Variants in PKD1 observed in about 807,000 individuals in gnomAD.
PKD1 encodes polycystin-1.
PKD1 carries 81 observed loss-of-function variants against 361.7 expected under a neutral mutation model. The observed-to-expected ratio is 0.22, with a 90% confidence interval of 0.19 to 0.27. The LOEUF (loss-of-function observed/expected upper bound fraction) is 0.27, where lower values mean the gene tolerates loss of function less well. Ranked by LOEUF, PKD1 falls within the 10% of genes least tolerant of loss-of-function variation. The pLI, the probability that PKD1 is intolerant of heterozygous loss-of-function variation, is 1.00. For missense variants in PKD1, 6,399 were observed against 6,118.3 expected (o/e 1.05, Z -1.53); for synonymous variants, 3,615 against 2,818.3 (o/e 1.28, Z -8.95).
chr16:2,129,692 G>T (rs2092845085), intron 1 of PKD1, among the ~76,000 whole-genome samples: 1 of 151,724 alleles, frequency 6.6e-6, no homozygotes, highest in African/African-American at 2.4e-5. Flanking sequence ...TGGGACCACA[G>T]ATGCATACCA....
At chr16:2,105,668 T>C (rs1385129587) in intron 20 of PKD1, 194 bp from the exon 21 acceptor site, 11 of 1,421,420 alleles carry the variant, frequency 7.7e-6, no homozygotes, top group African/African-American at 1.4e-5. Flanking sequence ...GGGGGCTGCA[T>C]TGTGGAAAGC....
In PKD1 at chr16:2,113,179, C is replaced by G. The variant is rs1324429294; in HGVS notation, c.2967G>C (p.Ala989=). Residue 989 remains alanine, a synonymous_variant, in exon 12 of 46, where the codon GCG becomes GCC. Transcript: ENST00000262304. ...NVVFNVIYQS[A]AVFKLSLTAS... ...CACCTACTGAGAGCTTGAAGACCGC[C>G]GCGCTCTGATAAATGACATTGAAGA... 3.7e-6 allele frequency: 4 copies of G among 1,089,668 alleles called. No individual in the cohort carries two copies. The highest frequency in any genetic ancestry group is 5.6e-6 in the Non-Finnish European group (4 of 719,582). The allele number at this position is 1,089,668 out of a possible 1,614,324, so 67.5% of individuals were successfully genotyped here. A position where few individuals can be genotyped will look rare whatever the true frequency, so the allele number is the denominator to read the frequency against.
rs376130795 is a variant in PKD1 at position 2,100,370 on chromosome 16, C to T, written c.9568+26G>A. On this transcript the variant is annotated intron_variant, in intron 27 of 45. Coordinates refer to ENST00000262304, the MANE Select transcript of PKD1 (RefSeq NM_001009944.3). The surrounding 1 kb of genome is among the most constrained non-coding windows in gnomAD (Gnocchi z 4.4). ...GCGCCCCAATGCGGGGGCAGAGGGG[C>T]AGAGCTTGGCAGGGTCCGCACAAAC... 16 of 1,611,104 alleles carry T rather than the reference C, an allele frequency of 9.9e-6. No homozygotes were observed. The African/African-American group carries it at 1.7e-4, about 17-fold the overall frequency.
chr16:2,098,741 A>T (rs1361882485), intron 30 of PKD1: 5 of 144,600 alleles, frequency 3.5e-5, no homozygotes, highest in Admixed American at 2.0e-4. Flanking sequence ...TCTTGGAAAG[A>T]GTCTGTGAAG....
Position 2,092,495 on chromosome 16 carries a change from C to G in PKD1, c.11254G>C (p.Val3752Leu), listed in dbSNP as rs757901097. ...PELGPPRLRQ[V>L]RLQEALYPDP... ...GCCAGCTCACCTTCCTGCAGCCGCA[C>G]CTGCCGCAGCCGTGGGGGCCCCAGC... Residue 3752 changes from valine to leucine, a missense_variant, in exon 39 of 46, where the codon GTG (valine) becomes CTG (leucine). Val to Leu is a conservative substitution (Grantham distance 32). Coordinates refer to ENST00000262304, the MANE Select transcript of PKD1 (RefSeq NM_001009944.3). 2 of 1,608,978 alleles carry G rather than the reference C, an allele frequency of 1.2e-6. No individual in the cohort carries two copies. Among genetic ancestry groups the G allele is most frequent in the South Asian group, 1.1e-5 (1 of 90,948 alleles).
At position 2,110,800 on chromosome 16, in the gene PKD1, T is replaced by C; in HGVS notation, c.4367A>G (p.Asp1456Gly). 6.2e-7 allele frequency: 1 copy of C among 1,611,160 alleles called. No individual in the cohort carries two copies. Among genetic ancestry groups the C allele is most frequent in the East Asian group, 2.2e-5 (1 of 44,872 alleles). Residue 1456 changes from aspartate to glycine, a missense_variant, in exon 15 of 46, where the codon GAC (aspartate) becomes GGC (glycine). Asp to Gly is a moderately conservative substitution (Grantham distance 94, BLOSUM62 -1). Coordinates refer to ENST00000262304, the MANE Select transcript of PKD1 (RefSeq NM_001009944.3). ...CTCCTGCACCTCCACCAGGGCTGAG[T>C]CATTGGCAGCAGAGATGTTGTTGGA... ...TASNNISAAN[D>G]SALVEVQEPV...
intron 41 of PKD1, 29 bp downstream of exon 41, chr16:2,091,752 C>A: frequency 6.2e-7 from 1 of 1,608,212 alleles, no homozygotes; most frequent in Non-Finnish European, 8.5e-7. Context: ...TGCGGCCACC[C>A]CGGAGAGGGC....
In PKD1 at chr16:2,110,660, C is replaced by T. The variant is rs2092478372; in HGVS notation, c.4507G>A (p.Gly1503Arg). The T allele has an allele frequency of 1.2e-6, 2 of 1,610,208 alleles. No individual in the cohort carries two copies. Among genetic ancestry groups the T allele is most frequent in the Non-Finnish European group, 1.7e-6 (2 of 1,179,414 alleles). The change falls in exon 15 of 46, where the codon GGG (glycine) becomes AGG (arginine). Residue 1503 changes from glycine (G) to arginine (R), a missense_variant. Coordinates refer to ENST00000262304, the MANE Select transcript of PKD1 (RefSeq NM_001009944.3). ...GGACCCTCGAGCCACCCACCGTCCC[C>T]CAGATCCCACAGGTAGCTGGCGGGG... ...GRPASYLWDL[G>R]DGGWLEGPEV...
At position 2,117,625 on chromosome 16, in the gene PKD1, C is replaced by A. The variant is rs779984264; in HGVS notation, c.1249G>T (p.Gly417Trp). ...PSDTEIFPGN[G>W]HCYRLVVEKA... Reference sequence around the variant, plus strand: ...TCCACCACCAGGCGGTAGCAGTGCCCGTTGCCAGGGAAGATCTCCGTGTCC... The same window carrying A: ...TCCACCACCAGGCGGTAGCAGTGCCAGTTGCCAGGGAAGATCTCCGTGTCC... The change falls in exon 6 of 46, where the codon GGG becomes TGG. Residue 417 changes from glycine (G) to tryptophan (W), a missense_variant. Transcript: ENST00000262304. The A allele has an allele frequency of 5.6e-6, 9 of 1,610,510 alleles. No individual in the cohort carries two copies. The highest frequency in any genetic ancestry group is 1.1e-5 in the South Asian group (1 of 90,980).
In PKD1 at chr16:2,092,195, C is replaced by G; in HGVS notation, c.11270-7G>C. The G allele has an allele frequency of 1.3e-6, 2 of 1,591,270 alleles. No homozygotes were observed. Among genetic ancestry groups the G allele is most frequent in the Non-Finnish European group, 1.7e-6 (2 of 1,170,352 alleles). ...GGAGGGTCTGGGTAGAGTGCTGAAA[C>G]ACACAGAGCCCCAGGCCGGGGCCAG... On this transcript the variant is annotated splice_polypyrimidine_tract_variant and splice_region_variant and intron_variant, in intron 39 of 45. Transcript: ENST00000262304.
rs1248861586 is a variant in PKD1 at position 2,108,435 on chromosome 16, G to A, written c.6732C>T (p.Ser2244=). The stretch of plus-strand genomic sequence containing the variant: ...GGGCCACCGTCACATTGGCCTGGAT[G>A]CTCTGTGTCAGTGGCGTGTCCCCAA... The part of the protein sequence containing the change: ...VSFGDTPLTQ[S]IQANVTVAPE... Residue 2244 remains serine (S), a synonymous_variant, in exon 15 of 46, where the codon AGC becomes AGT. Transcript: ENST00000262304. 1.2e-6 allele frequency: 2 copies of A among 1,610,504 alleles called. No homozygotes were observed. Among genetic ancestry groups the A allele is most frequent in the South Asian group, 2.2e-5 (2 of 90,992 alleles).
At position 2,119,395 on chromosome 16, in the gene PKD1, C is replaced by T. The variant is rs192583983; in HGVS notation, c.216-17G>A. ...GAGACGTCTCTGAGGAGTGAGTGGC[C>T]GTGGGTCAGGGCCAGAGCCCCTAGT... is the stretch of plus-strand genomic sequence containing the variant. On this transcript the variant is annotated splice_polypyrimidine_tract_variant and intron_variant, in intron 1 of 45. Coordinates refer to ENST00000262304, the MANE Select transcript of PKD1 (RefSeq NM_001009944.3). 1.6e-4 allele frequency: 239 copies of T among 1,467,704 alleles called. No individual in the cohort carries two copies. In the African/African-American group the frequency reaches 2.8e-3, roughly 17 times the overall value. The allele number at this position is 1,467,704 out of a possible 1,614,324, so 90.9% of individuals were successfully genotyped here.
intron 34 of PKD1, 29 bp downstream of exon 34, chr16:2,097,119 C>A (rs769180162): frequency 4.2e-5 from 53 of 1,255,396 alleles, no homozygotes; most frequent in Non-Finnish European, 5.2e-5. Flanking sequence ...CTCTGGCAAT[C>A]CCCCCTCCCC....
chr16:2,109,401 C>G lies in PKD1; in HGVS notation c.5766G>C (p.Gln1922His). 6.3e-7 allele frequency: 1 copy of G among 1,599,950 alleles called. No homozygotes were observed. The highest frequency in any genetic ancestry group is 8.5e-7 in the Non-Finnish European group (1 of 1,178,192). The change falls in exon 15 of 46, where the codon CAG becomes CAC. Residue 1922 changes from glutamine to histidine, a missense_variant. By Grantham distance (24) the Gln-to-His change is conservative. Coordinates refer to ENST00000262304, the MANE Select transcript of PKD1 (RefSeq NM_001009944.3). ...GCACCTCGGGGTTGGCCCCGCCGAC[C>G]TGCAGGCGGAAGGTGACAGCTGAGC... ...AAGSAVTFRL[Q>H]VGGANPEVLP...
At chr16:2,101,581 G>A (rs1349500506) in intron 26 of PKD1, among the ~76,000 whole-genome samples, 1 of 152,184 alleles carries the variant, frequency 6.6e-6, no homozygotes, top group Non-Finnish European at 1.5e-5. Context: ...TCATGCCATT[G>A]CACTCCAGCC....
intron 15 of PKD1, 36 bp from the exon 16 acceptor site, chr16:2,108,068 A>C (rs371288634): frequency 2.7e-4 from 431 of 1,586,120 alleles, no homozygotes; most frequent in Non-Finnish European, 3.4e-4. Flanking sequence ...GTGGCCTGAG[A>C]GCCCCATCCA....
intron 1 of PKD1, among the ~76,000 whole-genome samples, chr16:2,127,629 G>C (rs1567227284): frequency 6.6e-6 from 1 of 151,904 alleles, no homozygotes; most frequent in Non-Finnish European, 1.5e-5. Context: ...GGAACCGACA[G>C]AGCTACTTTA....
At chr16:2,095,058 T>G (rs2091786872) in intron 34 of PKD1, 1 of 152,134 alleles carries the variant, frequency 6.6e-6, no homozygotes, top group Non-Finnish European at 1.5e-5. Flanking sequence ...GAGGATCACT[T>G]GAGCTCAGGA....
chr16:2,102,030 G>A (rs1355885627), intron 26 of PKD1, 31 bp downstream of exon 26: 18 of 1,396,458 alleles, frequency 1.3e-5, no homozygotes, highest in Non-Finnish European at 1.6e-5. Flanking sequence ...TGAGAGCAGG[G>A]GAGGCCCTGC....
Sources: allele counts gnomAD v4.1 joint callset (sites outside exome capture counted in the v4.1 genomes callset), GRCh38; gene constraint gnomAD v4.1.1; non-coding constraint Gnocchi (gnomAD v3.1); transcripts MANE v1.5; gene names NCBI Gene and HGNC (gene_info 2026-07-23, HGNC 2026-07-21).